Variants in LEPROT observed in about 807,000 individuals in gnomAD.
LEPROT encodes the protein leptin receptor overlapping transcript, also known as leptin receptor gene-related protein.
Under a neutral mutation model 15.4 loss-of-function variants are expected in LEPROT, and 3 were observed. That is an observed-to-expected ratio of 0.19 (90% CI 0.09 to 0.50). LEPROT has a LOEUF of 0.50. Ranked by LOEUF, LEPROT falls within the 20% of genes least tolerant of loss-of-function variation. The probability of loss-of-function intolerance (pLI) is 0.97; values close to 1 mark genes in which losing one functional copy is unlikely to be tolerated. For synonymous variants in LEPROT, 59 were observed against 57.5 expected (o/e 1.03, Z -0.12); for missense variants, 137 against 162.2 (o/e 0.84, Z 0.84).
rs1646557164 is a variant in LEPROT, at chr1:65,435,934, G to C, written c.*4015G>C. ...ATAGCCATGCTACCAGCGTACAACA[G>C]TGATACATGTAACCCCAAATGTGAT... is the stretch of plus-strand genomic sequence containing the variant. On this transcript the variant is annotated 3_prime_UTR_variant, in exon 4 of 4. Coordinates refer to ENST00000371065, the MANE Select transcript of LEPROT (RefSeq NM_017526.5). 1.0e-6 allele frequency: 1 copy of C among 985,250 alleles called. No homozygotes were observed. Among genetic ancestry groups the C allele is most frequent in the Non-Finnish European group, 1.2e-6 (1 of 829,798 alleles). 61.0% of individuals were successfully genotyped at this position (985,250 alleles called of 1,614,324 possible). A position where few individuals can be genotyped will look rare whatever the true frequency, so the allele number is the denominator to read the frequency against.
Position 65,433,039 on chromosome 1 carries a change from C to T in LEPROT, c.*1120C>T, listed in dbSNP as rs1646509164. 2.0e-6 allele frequency: 2 copies of T among 985,206 alleles called. No individual in the cohort carries two copies. The highest frequency in any genetic ancestry group is 6.1e-5 in the Admixed American group (1 of 16,270). 61.0% of individuals were successfully genotyped at this position (985,206 alleles called of 1,614,324 possible). On this transcript the variant is annotated 3_prime_UTR_variant, in exon 4 of 4. Transcript: ENST00000371065. ...GAAAGACAATGCTGGGGGAAGAGCT[C>T]CACTGAGATGCGGGCAGGGAGGCTG...
Position 65,432,318 on chromosome 1 carries a change from T to A in LEPROT, c.*399T>A. On this transcript the variant is annotated 3_prime_UTR_variant, in exon 4 of 4. Coordinates refer to ENST00000371065, the MANE Select transcript of LEPROT (RefSeq NM_017526.5). ...AGGCCGGGGTGGATCCCTCTTTGTGTTGTAGTCCATGCTATTAAAAGTGTG... is the reference window on the plus strand; with the variant it reads ...AGGCCGGGGTGGATCCCTCTTTGTGATGTAGTCCATGCTATTAAAAGTGTG... The A allele has an allele frequency of 1.0e-6, 1 of 990,968 alleles. No individual in the cohort carries two copies. Among genetic ancestry groups the A allele is most frequent in the Non-Finnish European group, 1.2e-6 (1 of 833,600 alleles). 61.4% of individuals were successfully genotyped at this position (990,968 alleles called of 1,614,324 possible). A position where few individuals can be genotyped will look rare whatever the true frequency, so the allele number is the denominator to read the frequency against.
At chr1:65,421,899 A>C (rs1646258873) in intron 1 of LEPROT, among the ~76,000 whole-genome samples, 1 of 152,254 alleles carries the variant, frequency 6.6e-6, no homozygotes. Context: ...AAACGGACTA[A>C]GGGAAGGAAG....
At chr1:65,427,677 T>C (rs535394893) in intron 2 of LEPROT, 15 of 178,768 alleles carry the variant, frequency 8.4e-5, no homozygotes, top group African/African-American at 3.3e-4. Context: ...TCTAGGAGTT[T>C]TAATTCTCTG....
At chr1:65,427,772 T>A (rs1646408318) in intron 2 of LEPROT, 2 of 408,738 alleles carry the variant, frequency 4.9e-6, no homozygotes, top group Non-Finnish European at 9.8e-6. Flanking sequence ...TTTAATTTTT[T>A]GTTTTTTAGA....
rs1646551064 is a variant in LEPROT at position 65,435,571 on chromosome 1, G to C, written c.*3652G>C. 1.9e-6 allele frequency: 1 copy of C among 515,138 alleles called. No individual in the cohort carries two copies. 31.9% of individuals were successfully genotyped at this position (515,138 alleles called of 1,614,324 possible). A position where few individuals can be genotyped will look rare whatever the true frequency, so the allele number is the denominator to read the frequency against. Reference sequence around the variant, plus strand: ...TTTTAGTAAAGACGGGTTTCATCGTGTTAGCCAGGATGGTCTCGATCTCCT... The same window carrying C: ...TTTTAGTAAAGACGGGTTTCATCGTCTTAGCCAGGATGGTCTCGATCTCCT... On this transcript the variant is annotated 3_prime_UTR_variant, in exon 4 of 4. Transcript: ENST00000371065.
intron 1 of LEPROT, chr1:65,421,581 C>A: frequency 8.9e-7 from 1 of 1,128,864 alleles, no homozygotes; most frequent in Non-Finnish European, 1.3e-6. Flanking sequence ...CTGCTATAAA[C>A]ATGTAGATAG....
intron 3 of LEPROT, 196 bp downstream of exon 3, chr1:65,430,244 T>C (rs9436301): frequency 0.25 from 104,135 of 413,756 alleles, 14,292 homozygotes; most frequent in African/African-American, 0.39. Context: ...TTTATTTCTC[T>C]TACAACTTTT....
At chr1:65,427,228 G>A (rs764951541) in intron 2 of LEPROT, among the ~76,000 whole-genome samples, 2 of 152,038 alleles carry the variant, frequency 1.3e-5, no homozygotes, top group African/African-American at 2.4e-5. Flanking sequence ...CTCATTTCTC[G>A]CTGGGAAACC....
chr1:65,429,539 C>G (rs1317768459), intron 2 of LEPROT, among the ~76,000 whole-genome samples: 1 of 152,106 alleles, frequency 6.6e-6, no homozygotes, highest in Non-Finnish European at 1.5e-5. Context: ...CTACTATGTT[C>G]TATAGGGAAG....
intron 2 of LEPROT, among the ~76,000 whole-genome samples, chr1:65,428,831 A>G (rs1557583899): frequency 2.0e-5 from 3 of 150,030 alleles, no homozygotes; most frequent in East Asian, 3.9e-4. Flanking sequence ...CCAGATGGCA[A>G]TTTTTTTTTT....
intron 2 of LEPROT, chr1:65,428,079 G>A (rs900835786): frequency 6.5e-6 from 1 of 153,600 alleles, no homozygotes; most frequent in Non-Finnish European, 1.5e-5. Context: ...CTTTGGCAGA[G>A]TTGAGTAGTT....
chr1:65,432,955 A>G lies in LEPROT; in HGVS notation c.*1036A>G. 1.0e-6 allele frequency: 1 copy of G among 985,174 alleles called. No individual in the cohort carries two copies. Among genetic ancestry groups the G allele is most frequent in the Non-Finnish European group, 1.2e-6 (1 of 829,688 alleles). The allele number at this position is 985,174 out of a possible 1,614,324, so 61.0% of individuals were successfully genotyped here. A position where few individuals can be genotyped will look rare whatever the true frequency, so the allele number is the denominator to read the frequency against. ...CAATATATAATCAAAATAAAAAACA[A>G]AACATACTCTCTCCCCCAAAAAAAC... On this transcript the variant is annotated 3_prime_UTR_variant, in exon 4 of 4. Coordinates refer to ENST00000371065, the MANE Select transcript of LEPROT (RefSeq NM_017526.5).
At position 65,435,808 on chromosome 1, in the gene LEPROT, T is replaced by C. The variant is rs1646554932; in HGVS notation, c.*3889T>C. 1.0e-6 allele frequency: 1 copy of C among 982,346 alleles called. No homozygotes were observed. The highest frequency in any genetic ancestry group is 6.2e-5 in the Admixed American group (1 of 16,260). 60.9% of individuals were successfully genotyped at this position (982,346 alleles called of 1,614,324 possible). On this transcript the variant is annotated 3_prime_UTR_variant, in exon 4 of 4. Transcript: ENST00000371065. Reference sequence around the variant, plus strand: ...TATGTCTGTAGTAGATAAATATTAGTTGTGCATTTTAATTTAATTCTCCTT... The same window carrying C: ...TATGTCTGTAGTAGATAAATATTAGCTGTGCATTTTAATTTAATTCTCCTT...
chr1:65,420,829 T>C, intron 1 of LEPROT, 89 bp downstream of exon 1: 7 of 1,482,700 alleles, frequency 4.7e-6, no homozygotes, highest in Non-Finnish European at 6.4e-6. Context: ...CCGCGCGCCG[T>C]TGGGGAACGG....
intron 2 of LEPROT, 88 bp downstream of exon 2, chr1:65,425,466 A>G: frequency 8.8e-7 from 1 of 1,140,256 alleles, no homozygotes; most frequent in Non-Finnish European, 1.2e-6. Flanking sequence ...TCAATTTAGC[A>G]CCAAGTTCTA....
At chr1:65,429,726 GT>G in intron 2 of LEPROT, 135 bp from the exon 3 acceptor site, 1 of 712,368 alleles carries the variant, frequency 1.4e-6, no homozygotes, top group Non-Finnish European at 2.2e-6. Context: ...ATCATCTTAT[GT>G]TCTAATATTC....
intron 2 of LEPROT, among the ~76,000 whole-genome samples, chr1:65,427,600 G>A (rs1389082900): frequency 2.0e-5 from 3 of 152,086 alleles, no homozygotes; most frequent in African/African-American, 7.2e-5. Flanking sequence ...GGCAGACATG[G>A]AAATGGAGCT....
intron 1 of LEPROT, among the ~76,000 whole-genome samples, chr1:65,424,829 G>A (rs943251440): frequency 2.0e-5 from 3 of 152,098 alleles, no homozygotes; most frequent in African/African-American, 7.2e-5. Flanking sequence ...TCATCCCATC[G>A]TGGAGACCCC....
Sources: allele counts gnomAD v4.1 joint callset (sites outside exome capture counted in the v4.1 genomes callset), GRCh38; gene constraint gnomAD v4.1.1; transcripts MANE v1.5; gene names NCBI Gene and HGNC (gene_info 2026-07-23, HGNC 2026-07-21).